CUBN: variants seen among roughly 807,000 people sequenced by gnomAD.
CUBN encodes cubilin.
A neutral mutation model predicts 405.3 loss-of-function variants in CUBN; 282 were observed. The observed-to-expected ratio is 0.70, with a 90% CI of 0.63 to 0.77. The LOEUF (loss-of-function observed/expected upper bound fraction) is 0.77. Among genes scored for constraint, CUBN ranks in the 30% least tolerant of loss-of-function variants. The probability of loss-of-function intolerance (pLI) is 0.00; values close to 1 mark genes in which losing one functional copy is unlikely to be tolerated. For synonymous variants in CUBN, 1,684 were observed against 1,617.0 expected, an observed-to-expected ratio of 1.04 and a Z score of -0.99; for missense variants, 4,514 against 4,475.2, an observed-to-expected ratio of 1.01 and a Z score of -0.25.
chr10:16,929,651 G>A (rs1047552727), intron 40 of CUBN, among the ~76,000 whole-genome samples: 29 of 152,074 alleles, frequency 1.9e-4, no homozygotes, highest in African/African-American at 6.5e-4. Context: ...GTTTCTGATC[G>A]CTGGAAACTT....
chr10:17,122,774 A>AAG, intron 6 of CUBN, 21 bp downstream of exon 6: 1 of 297,722 alleles, frequency 3.4e-6, no homozygotes, highest in Non-Finnish European at 5.4e-6. Flanking sequence ...GATATTTACC[A>AAG]AAAAAAAAAA....
chr10:16,976,532 A>C (rs1029603140), intron 31 of CUBN, among the ~76,000 whole-genome samples: 1 of 150,184 alleles, frequency 6.7e-6, no homozygotes, highest in African/African-American at 2.5e-5. Context: ...ACGTCATTCT[A>C]TTTATCCTGC....
intron 59 of CUBN, among the ~76,000 whole-genome samples, chr10:16,857,837 A>G (rs1329297987): frequency 1.3e-5 from 2 of 152,214 alleles, no homozygotes; most frequent in Non-Finnish European, 2.9e-5. Flanking sequence ...TAAAGCAAGA[A>G]AAAATATATA....
rs1836541347 is a variant in CUBN, at chr10:17,103,292, G to A, written c.1418-55C>T. ...CAGAGGTTCCTAAAAGGAAGAGGTTGGGCAACTGTAACCCTGCTGCTGATA... is the reference window on the plus strand; with the variant it reads ...CAGAGGTTCCTAAAAGGAAGAGGTTAGGCAACTGTAACCCTGCTGCTGATA... On this transcript the variant is annotated intron_variant, in intron 12 of 66. Transcript: ENST00000377833. 4.6e-6 allele frequency: 5 copies of A among 1,087,616 alleles called. No individual in the cohort carries two copies. In the South Asian group the frequency reaches 5.0e-5, roughly 11 times the overall value. The allele number at this position is 1,087,616 out of a possible 1,614,324, so 67.4% of individuals were successfully genotyped here.
Position 16,913,808 on chromosome 10 carries a change from T to A in CUBN, c.7533+3A>T. ...AACATCTCAGGCGGCAGGGAACACT[T>A]ACTATCACATGCTCATTGTTGCAGG... is the stretch of plus-strand genomic sequence containing the variant. On this transcript the variant is annotated splice_donor_region_variant and intron_variant, in intron 48 of 66. Coordinates refer to ENST00000377833, the MANE Select transcript of CUBN (RefSeq NM_001081.4). 6.2e-7 allele frequency: 1 copy of A among 1,613,234 alleles called. No homozygotes were observed. Among genetic ancestry groups the A allele is most frequent in the Middle Eastern group, 1.9e-4 (1 of 5,304 alleles).
At position 16,918,748 on chromosome 10, in the gene CUBN, T is replaced by C. The variant is rs1841957814; in HGVS notation, c.6874A>G (p.Ile2292Val). Residue 2292 changes from isoleucine to valine, a missense_variant, in exon 45 of 67, where the codon ATA becomes GTA. Physicochemically the swap from Ile to Val is conservative, Grantham distance 29. Transcript: ENST00000377833. ...GATGTCCCACAAAATTTGGAAAGTA[T>C]TGGTGCATCCGAATCCACTCCATCC... ...LRDGVDSDAP[I>V]LSKFCGTSLP... The C allele has an allele frequency of 3.7e-6, 6 of 1,613,952 alleles. No homozygotes were observed. Among genetic ancestry groups the C allele is most frequent in the South Asian group, 1.1e-5 (1 of 91,066 alleles).
intron 6 of CUBN, among the ~76,000 whole-genome samples, chr10:17,116,940 A>AT (rs1836915258): frequency 6.6e-6 from 1 of 150,980 alleles, no homozygotes; most frequent in African/African-American, 2.5e-5. Flanking sequence ...ATAAATGAAT[A>AT]TTTTTTGGTA....
chr10:17,041,536 G>A (rs901673740), intron 26 of CUBN, among the ~76,000 whole-genome samples: 3 of 151,996 alleles, frequency 2.0e-5, no homozygotes, highest in African/African-American at 7.2e-5. Context: ...AATTTGTGGA[G>A]AGCAGAATAA....
chr10:16,989,706 G>A (rs1375277554), intron 29 of CUBN, among the ~76,000 whole-genome samples: 1 of 151,948 alleles, frequency 6.6e-6, no homozygotes, highest in African/African-American at 2.4e-5. Flanking sequence ...CACACCCTTC[G>A]CAGAAGTGCT....
chr10:16,840,464 C>G lies in CUBN; in HGVS notation c.9898G>C (p.Asp3300His). The G allele has an allele frequency of 6.2e-7, 1 of 1,613,952 alleles. No individual in the cohort carries two copies. The highest frequency in any genetic ancestry group is 8.5e-7 in the Non-Finnish European group (1 of 1,179,940). ...CAAGTACAGATGGAAAATGGGACAT[C>G]TGGGTCTGATGAATTGGGTGATGAA... ...NISSPNSSDP[D>H]VPFSICTWVI... Residue 3300 changes from aspartate to histidine, a missense_variant, in exon 62 of 67, where the codon GAT becomes CAT. Physicochemically the swap from Asp to His is moderately conservative, Grantham distance 81. Transcript: ENST00000377833.
intron 26 of CUBN, among the ~76,000 whole-genome samples, chr10:17,042,971 T>C (rs1369879990): frequency 6.6e-6 from 1 of 152,156 alleles, no homozygotes; most frequent in Non-Finnish European, 1.5e-5. Context: ...GAATTATGTT[T>C]CCAAAACCTA....
intron 31 of CUBN, among the ~76,000 whole-genome samples, chr10:16,972,281 CCAATATA>C (rs1832958038): frequency 6.6e-6 from 1 of 152,062 alleles, no homozygotes; most frequent in South Asian, 2.1e-4. Flanking sequence ...TAATAACCAC[CCAATATA>C]CAGAAATTAT....
chr10:17,009,655 T>G (rs1588577143), intron 28 of CUBN, among the ~76,000 whole-genome samples: 1 of 152,258 alleles, frequency 6.6e-6, no homozygotes, highest in African/African-American at 2.4e-5. Flanking sequence ...ATTTAGAAAT[T>G]AGCAATAGTC....
chr10:16,941,123 G>A (rs2131608872), intron 36 of CUBN, among the ~76,000 whole-genome samples: 1 of 152,240 alleles, frequency 6.6e-6, no homozygotes, highest in Non-Finnish European at 1.5e-5. Context: ...AAAAACATGA[G>A]CTACTCAAGA....
chr10:16,954,213 T>G lies in CUBN; in HGVS notation c.4855+176A>C, dbSNP rs78501390. On this transcript the variant is annotated intron_variant, in intron 32 of 66. Transcript: ENST00000377833. ...AAAGGAAGTCAGAGAAGGAGAAGGT[T>G]ACAAGCATCAGGAGTTGGGATAATT... Among the ~76,000 whole-genome samples, 382 of 152,308 alleles carry G rather than the reference T, an allele frequency of 2.5e-3. 1 individual carries two copies. Among genetic ancestry groups the G allele is most frequent in the African/African-American group, 8.9e-3 (368 of 41,566 alleles).
At chr10:17,050,893 C>T (rs1171068291) in intron 22 of CUBN, among the ~76,000 whole-genome samples, 1 of 151,968 alleles carries the variant, frequency 6.6e-6, no homozygotes, top group Non-Finnish European at 1.5e-5. Flanking sequence ...CAGATATAAA[C>T]CTATGCAGAT....
chr10:16,925,926 C>T (rs1842176585), intron 41 of CUBN, 152 bp from the exon 42 acceptor site: 1 of 732,420 alleles, frequency 1.4e-6, no homozygotes, highest in South Asian at 1.5e-5. Context: ...TCATAACAAG[C>T]ATGTATTGAG....
chr10:16,915,486 T>C (rs892685579), intron 46 of CUBN, among the ~76,000 whole-genome samples: 4 of 152,278 alleles, frequency 2.6e-5, no homozygotes, highest in African/African-American at 7.2e-5. Context: ...CTAGGAGACA[T>C]GCATGATCCC....
At chr10:16,983,122 T>C (rs1833322461) in intron 30 of CUBN, among the ~76,000 whole-genome samples, 1 of 152,188 alleles carries the variant, frequency 6.6e-6, no homozygotes, top group African/African-American at 2.4e-5. Context: ...ATTCCTTTGA[T>C]GTTATCAAAT....
Sources: allele counts gnomAD v4.1 joint callset (sites outside exome capture counted in the v4.1 genomes callset), GRCh38; gene constraint gnomAD v4.1.1; transcripts MANE v1.5; gene names NCBI Gene and HGNC (gene_info 2026-07-23, HGNC 2026-07-21).